The following ROBO1 variants were observed in gnomAD, a reference collection of about 807,000 sequenced individuals.
ROBO1 encodes roundabout guidance receptor 1, also known as roundabout homolog 1.
In ROBO1, 149 loss-of-function variants were observed where a neutral mutation model predicts 195.9. The ratio of observed to expected loss-of-function variants is 0.76; its 90% CI spans 0.67 to 0.87. The LOEUF (loss-of-function observed/expected upper bound fraction) is 0.87. Among genes scored for constraint, ROBO1 ranks in the 40% least tolerant of loss-of-function variants. The pLI is 0.00. For synonymous variants in ROBO1, 816 were observed against 733.2 expected (o/e 1.11, Z -1.82); for missense variants, 1,933 against 2,068.3 (o/e 0.93, Z 1.27).
At chr3:78,909,144 G>T (rs2038096216) in intron 4 of ROBO1, among the ~76,000 whole-genome samples, 1 of 151,672 alleles carries the variant, frequency 6.6e-6, no homozygotes, top group Admixed American at 6.6e-5. Context: ...ATAATGTTTA[G>T]CATGAGTATT....
intron 2 of ROBO1, among the ~76,000 whole-genome samples, chr3:79,469,979 G>A (rs937293092): frequency 3.9e-5 from 6 of 152,100 alleles, no homozygotes; most frequent in Non-Finnish European, 5.9e-5. Flanking sequence ...TGAACTATGA[G>A]AAAGAGTTTT....
At chr3:78,692,111 T>C (rs533719454) in intron 8 of ROBO1, among the ~76,000 whole-genome samples, 3 of 152,002 alleles carry the variant, frequency 2.0e-5, no homozygotes, top group African/African-American at 7.2e-5. Flanking sequence ...ATCTTCATTA[T>C]TTTACATTTA....
In ROBO1 at chr3:79,661,078, G is replaced by T. The variant is rs1946314054; in HGVS notation, c.-50-71117C>A. On this transcript the variant is annotated intron_variant, in intron 1 of 30. Coordinates refer to ENST00000464233, the MANE Select transcript of ROBO1 (RefSeq NM_002941.4). Reference sequence around the variant, plus strand: ...GAGGCACAAAGGATGAACTTTGATGGACATTATGTTGTGCTCACTACCCAT... The same window carrying T: ...GAGGCACAAAGGATGAACTTTGATGTACATTATGTTGTGCTCACTACCCAT... Among the ~76,000 whole-genome samples the T allele has an allele frequency of 1.3e-5, 2 of 152,044 alleles. 1 individual carries two copies. The highest frequency in any genetic ancestry group is 4.1e-4 in the South Asian group (2 of 4,826).
intron 2 of ROBO1, among the ~76,000 whole-genome samples, chr3:79,202,712 G>T: frequency 6.6e-6 from 1 of 151,676 alleles, no homozygotes; most frequent in East Asian, 1.9e-4. Flanking sequence ...CAAAATTTTG[G>T]TGTTTACTTG....
chr3:79,538,418 T>A (rs4680924), intron 2 of ROBO1, among the ~76,000 whole-genome samples: 86,887 of 150,284 alleles, frequency 0.58, 24,979 homozygotes, highest in African/African-American at 0.6. Flanking sequence ...GCTAATAAAA[T>A]CCCCAGAGAT....
chr3:78,787,718 G>T (rs1031826068), intron 4 of ROBO1, among the ~76,000 whole-genome samples: 2 of 152,036 alleles, frequency 1.3e-5, no homozygotes, highest in Admixed American at 6.6e-5. Flanking sequence ...CAAGGCAGGG[G>T]GATCACTTGA....
At chr3:78,673,560 TTTTATATATATATA>T (rs1708200045) in intron 10 of ROBO1, among the ~76,000 whole-genome samples, 1 of 74,604 alleles carries the variant, frequency 1.3e-5, no homozygotes, top group Non-Finnish European at 2.5e-5. Context: ...GTTACATATA[TTTTATATATATATA>T]TATATATATA....
At chr3:79,612,129 C>T (rs940815581) in intron 1 of ROBO1, among the ~76,000 whole-genome samples, 7 of 150,488 alleles carry the variant, frequency 4.7e-5, no homozygotes, top group African/African-American at 1.5e-4. Context: ...GCTGCACCCA[C>T]TAACTCGTCA....
At chr3:79,368,503 TG>T (rs1042411999) in intron 2 of ROBO1, among the ~76,000 whole-genome samples, 3 of 152,018 alleles carry the variant, frequency 2.0e-5, no homozygotes, top group African/African-American at 7.2e-5. Flanking sequence ...GGAAGTTTTC[TG>T]GGAGCTCAGA....
At chr3:78,910,203 T>C (rs2038163240) in intron 4 of ROBO1, among the ~76,000 whole-genome samples, 1 of 151,848 alleles carries the variant, frequency 6.6e-6, no homozygotes, top group Non-Finnish European at 1.5e-5. Flanking sequence ...TAGCATTATA[T>C]GTTTCTTAAG....
chr3:78,884,573 G>C (rs1559961388), intron 4 of ROBO1, among the ~76,000 whole-genome samples: 1 of 149,338 alleles, frequency 6.7e-6, no homozygotes, highest in Admixed American at 6.7e-5. Context: ...AAGAGAGAAA[G>C]AAAGAGAGAA....
At chr3:79,042,894 A>C (rs2078514835) in intron 3 of ROBO1, among the ~76,000 whole-genome samples, 1 of 152,170 alleles carries the variant, frequency 6.6e-6, no homozygotes, top group African/African-American at 2.4e-5. Flanking sequence ...GCCAAATGTC[A>C]ATTTTTCCCC....
At chr3:79,601,607 C>G (rs1358507498) in intron 1 of ROBO1, among the ~76,000 whole-genome samples, 1 of 151,940 alleles carries the variant, frequency 6.6e-6, no homozygotes, top group African/African-American at 2.4e-5. Flanking sequence ...AACTAATATA[C>G]TTGCAGAAGA....
intron 10 of ROBO1, among the ~76,000 whole-genome samples, chr3:78,672,889 C>T (rs766828059): frequency 5.9e-5 from 9 of 152,082 alleles, no homozygotes; most frequent in African/African-American, 4.8e-5. Flanking sequence ...ATTAAATGCA[C>T]GGACTTTGGA....
intron 2 of ROBO1, among the ~76,000 whole-genome samples, chr3:79,453,800 G>T (rs897169472): frequency 1.3e-5 from 2 of 152,110 alleles, no homozygotes; most frequent in Admixed American, 6.6e-5. Context: ...ACGAGACAAG[G>T]TAGCTGTCCA....
intron 8 of ROBO1, among the ~76,000 whole-genome samples, chr3:78,705,407 G>A (rs911923791): frequency 1.3e-5 from 2 of 152,080 alleles, no homozygotes; most frequent in African/African-American, 4.8e-5. Flanking sequence ...ATTAGCTGAC[G>A]GATATTTGTA....
chr3:79,496,526 G>T (rs938502487), intron 2 of ROBO1, among the ~76,000 whole-genome samples: 10 of 148,222 alleles, frequency 6.7e-5, no homozygotes, highest in African/African-American at 2.5e-4. Flanking sequence ...TGGGACTACA[G>T]GCGCCCGCCA....
intron 3 of ROBO1, among the ~76,000 whole-genome samples, chr3:79,112,282 A>G (rs1192552913): frequency 2.0e-5 from 3 of 152,114 alleles, no homozygotes; most frequent in Non-Finnish European, 4.4e-5. Flanking sequence ...AAGGGTCCAG[A>G]GTCATTCCCT....
At chr3:78,799,446 A>G (rs900233354) in intron 4 of ROBO1, among the ~76,000 whole-genome samples, 1 of 151,802 alleles carries the variant, frequency 6.6e-6, no homozygotes, top group Non-Finnish European at 1.5e-5. Context: ...GGTTCACGCC[A>G]TTCTCCTGCC....
Sources: allele counts gnomAD v4.1 joint callset (sites outside exome capture counted in the v4.1 genomes callset), GRCh38; gene constraint gnomAD v4.1.1; transcripts MANE v1.5; gene names NCBI Gene and HGNC (gene_info 2026-07-23, HGNC 2026-07-21).